DYTN: variants seen among roughly 807,000 people sequenced by gnomAD.
DYTN encodes dystrotelin.
In DYTN, 75 loss-of-function variants were observed where a neutral mutation model predicts 69.6. The observed-to-expected ratio is 1.08, with a 90% CI of 0.89 to 1.31. DYTN has a LOEUF of 1.31. DYTN is among the 50% of genes most tolerant of loss of function. DYTN has a pLI of 0.00. For missense variants in DYTN, 726 were observed against 688.4 expected, an observed-to-expected ratio of 1.05 and a Z score of -0.61; for synonymous variants, 252 against 249.1, an observed-to-expected ratio of 1.01 and a Z score of -0.11.
At chr2:206,657,060 C>A (rs1699458837) in intron 11 of DYTN, among the ~76,000 whole-genome samples, 1 of 152,008 alleles carries the variant, frequency 6.6e-6, no homozygotes, top group African/African-American at 2.4e-5. Context: ...TCTCGCCCAG[C>A]CATCCCCATA....
At chr2:206,675,923 G>A (rs1699681553) in intron 9 of DYTN, among the ~76,000 whole-genome samples, 1 of 152,114 alleles carries the variant, frequency 6.6e-6, no homozygotes, top group Non-Finnish European at 1.5e-5. Context: ...TAAAATGTCT[G>A]GAAACAACAG....
rs112944561 is a variant in DYTN at position 206,699,143 on chromosome 2, G to A, written c.719+584C>T. Among the ~76,000 whole-genome samples the A allele has an allele frequency of 6.4e-3, 979 of 152,318 alleles. 4 individuals are homozygous for A. The highest frequency in any genetic ancestry group is 0.011 in the African/African-American group (464 of 41,570). ...CCAAAATTTAAAAGGTTTCTTTGGA[G>A]CAAAAGACAGGCCAAATGCAGTGGC... On this transcript the variant is annotated intron_variant, in intron 7 of 11. Transcript: ENST00000452335.
chr2:206,700,770 C>G (rs569426305), intron 5 of DYTN, among the ~76,000 whole-genome samples: 28 of 152,188 alleles, frequency 1.8e-4, no homozygotes, highest in South Asian at 1.2e-3. Context: ...CTTTACCCCA[C>G]CCTCTGACAG....
rs369087472 is a variant in DYTN at position 206,666,001 on chromosome 2, T to C, written c.1009A>G (p.Lys337Glu). The change falls in exon 10 of 12, where the codon AAA becomes GAA. Residue 337 changes from lysine to glutamate, a missense_variant. By Grantham distance (56) the Lys-to-Glu change is moderately conservative. Transcript: ENST00000452335. Reference protein sequence around the residue: ...RLLKKQLNQYKDKLQAIYTSQ... With the variant: ...RLLKKQLNQYEDKLQAIYTSQ... Reference sequence around the variant, plus strand: ...GTGTATATAGCTTGCAACTTGTCTTTGTATTGGTTTAACTGTTTTTTAAGG... The same window carrying C: ...GTGTATATAGCTTGCAACTTGTCTTCGTATTGGTTTAACTGTTTTTTAAGG... The C allele has an allele frequency of 4.2e-5, 67 of 1,613,784 alleles. No individual in the cohort carries two copies. Among genetic ancestry groups the C allele is most frequent in the Non-Finnish European group, 5.4e-5 (64 of 1,179,850 alleles).
intron 7 of DYTN, among the ~76,000 whole-genome samples, chr2:206,697,868 G>A (rs1699937621): frequency 6.6e-6 from 1 of 152,146 alleles, no homozygotes; most frequent in Non-Finnish European, 1.5e-5. Context: ...GCCATTTTTA[G>A]GGGCGACTTA....
chr2:206,699,701 C>A (rs1405950642), intron 7 of DYTN, 26 bp downstream of exon 7: 2 of 1,600,726 alleles, frequency 1.2e-6, no homozygotes, highest in Non-Finnish European at 1.7e-6. Flanking sequence ...GAATGATAAT[C>A]CAAGAAATGC....
chr2:206,657,654 T>C (rs1211111771), intron 11 of DYTN, among the ~76,000 whole-genome samples: 1 of 152,220 alleles, frequency 6.6e-6, no homozygotes, highest in African/African-American at 2.4e-5. Flanking sequence ...TTTTGATTGA[T>C]AGTTTATTTC....
intron 8 of DYTN, among the ~76,000 whole-genome samples, chr2:206,694,384 A>G (rs1394310168): frequency 6.6e-6 from 1 of 152,220 alleles, no homozygotes; most frequent in Non-Finnish European, 1.5e-5. Context: ...AAATTCTCCA[A>G]AAATATGTTA....
intron 1 of DYTN, among the ~76,000 whole-genome samples, chr2:206,714,074 G>A (rs950670305): frequency 1.2e-4 from 18 of 152,290 alleles, no homozygotes; most frequent in African/African-American, 3.1e-4. Context: ...TTTTTGTCTC[G>A]TTCTTGCAGC....
At chr2:206,715,980 T>C (rs11889749) in intron 1 of DYTN, among the ~76,000 whole-genome samples, 36,542 of 151,942 alleles carry the variant, frequency 0.24, 4,685 homozygotes, top group African/African-American at 0.32. Context: ...CTCAGCTACT[T>C]GGGAGGCTGA....
intron 9 of DYTN, among the ~76,000 whole-genome samples, chr2:206,683,339 CT>C (rs10531348): frequency 0.13 from 14,526 of 111,746 alleles, 466 homozygotes; most frequent in East Asian, 0.14. Context: ...TTTACTTTTT[CT>C]TTTTTTTTTT....
At chr2:206,667,693 T>TGTGC (rs1369872418) in intron 9 of DYTN, among the ~76,000 whole-genome samples, 1 of 136,056 alleles carries the variant, frequency 7.3e-6, no homozygotes, top group African/African-American at 2.9e-5. Context: ...CAACTTTGCG[T>TGTGC]GTGCGTGTGT....
Position 206,651,806 on chromosome 2 carries a change from C to T in DYTN, c.*12G>A, listed in dbSNP as rs945297194. ...TCATCACACCAAGAGGCCTTTGAGC[C>T]TGGACTCCATTTCACTTCAAATTGG... On this transcript the variant is annotated 3_prime_UTR_variant, in exon 12 of 12. Transcript: ENST00000452335. 6 of 1,612,640 alleles carry T rather than the reference C, an allele frequency of 3.7e-6. No individual in the cohort carries two copies. In the African/African-American group the frequency reaches 8.0e-5, roughly 22 times the overall value.
intron 1 of DYTN, among the ~76,000 whole-genome samples, chr2:206,715,983 G>C (rs1559320564): frequency 6.6e-6 from 1 of 152,190 alleles, no homozygotes; most frequent in Non-Finnish European, 1.5e-5. Flanking sequence ...AGCTACTTGG[G>C]AGGCTGAGGC....
intron 2 of DYTN, among the ~76,000 whole-genome samples, chr2:206,709,253 G>A (rs1379689977): frequency 1.3e-5 from 2 of 151,998 alleles, no homozygotes; most frequent in African/African-American, 4.8e-5. Flanking sequence ...TTCAAGACCA[G>A]CCCGGGCAAC....
chr2:206,655,668 C>T (rs1699440248), intron 11 of DYTN, among the ~76,000 whole-genome samples: 1 of 151,042 alleles, frequency 6.6e-6, no homozygotes. Context: ...AATTGGTCCT[C>T]CCACCTCAGC....
At chr2:206,660,098 T>C (rs895089346) in intron 11 of DYTN, among the ~76,000 whole-genome samples, 5 of 151,406 alleles carry the variant, frequency 3.3e-5, no homozygotes, top group Admixed American at 2.6e-4. Flanking sequence ...CAGAAACTTC[T>C]CAATGGTTCT....
At chr2:206,713,997 C>A (rs900863095) in intron 1 of DYTN, among the ~76,000 whole-genome samples, 4 of 152,184 alleles carry the variant, frequency 2.6e-5, no homozygotes, top group African/African-American at 7.2e-5. Context: ...AAAAATGAAA[C>A]AAGGAACTGC....
At chr2:206,705,988 C>CA in intron 3 of DYTN, 115 bp from the exon 4 acceptor site, 1 of 1,166,004 alleles carries the variant, frequency 8.6e-7, no homozygotes, top group Non-Finnish European at 1.2e-6. Context: ...GCTATAAGTT[C>CA]CAACTTTTTG....
Sources: allele counts gnomAD v4.1 joint callset (sites outside exome capture counted in the v4.1 genomes callset), GRCh38; gene constraint gnomAD v4.1.1; transcripts MANE v1.5; gene names NCBI Gene and HGNC (gene_info 2026-07-23, HGNC 2026-07-21).